ANXA13: variants seen among roughly 807,000 people sequenced by gnomAD.
The protein encoded by ANXA13 is annexin A13.
ANXA13 carries 36 observed loss-of-function variants against 46.6 expected under a neutral mutation model. That is an observed-to-expected ratio of 0.77 (90% confidence interval 0.59 to 1.02). The LOEUF is 1.02. Among genes scored for constraint, ANXA13 ranks in the 50% least tolerant of loss-of-function variants. The pLI is 0.00. For synonymous variants in ANXA13, 163 were observed against 152.9 expected (o/e 1.07, Z -0.49); for missense variants, 417 against 396.5 (o/e 1.05, Z -0.44).
chr8:123,698,406 A>C lies in ANXA13; in HGVS notation c.340T>G (p.Cys114Gly), dbSNP rs559305024. 1 of 1,614,160 alleles carries C rather than the reference A, an allele frequency of 6.2e-7. No homozygotes were observed. Among genetic ancestry groups the C allele is most frequent in the South Asian group, 1.1e-5 (1 of 91,086 alleles). ...GGACTGACCTTATTGGTCCTCGTGC[A>C]CAGGACCTCAATGAGGACGGACTCA... ...TDESVLIEVL[C>G]TRTNKEIIAI... Residue 114 changes from cysteine (C) to glycine (G), a missense_variant, in exon 4 of 11, where the codon TGC becomes GGC. Cys to Gly is a radical substitution (Grantham distance 159). Transcript: ENST00000419625.
chr8:123,707,908 C>T lies in ANXA13; in HGVS notation c.91+4770G>A, dbSNP rs561031216. ...TAAAGCTAAAAAAGAAAAAAAAGGG[C>T]GAGAAACCAGATTGCAAAACAGTCC... On this transcript the variant is annotated intron_variant, in intron 2 of 10. Coordinates refer to ENST00000419625, the MANE Select transcript of ANXA13 (RefSeq NM_004306.4). 4.6e-5 allele frequency among the ~76,000 whole-genome samples: 7 copies of T among 151,992 alleles called. No homozygotes were observed. The East Asian group carries it at 9.6e-4, about 21-fold the overall frequency.
At chr8:123,682,488 G>A (rs914810074) in intron 10 of ANXA13, among the ~76,000 whole-genome samples, 6 of 152,220 alleles carry the variant, frequency 3.9e-5, no homozygotes, top group African/African-American at 1.4e-4. Context: ...CCCAAAAAGT[G>A]TGGCTCAGGG....
chr8:123,686,226 G>A (rs776467369), intron 9 of ANXA13, among the ~76,000 whole-genome samples: 8 of 152,004 alleles, frequency 5.3e-5, no homozygotes, highest in Admixed American at 1.3e-4. Flanking sequence ...TAATCCCAGC[G>A]CTTTGGGAGG....
At chr8:123,733,162 CAAAAA>C (rs923365049) in intron 1 of ANXA13, among the ~76,000 whole-genome samples, 1 of 150,992 alleles carries the variant, frequency 6.6e-6, no homozygotes, top group Non-Finnish European at 1.5e-5. Flanking sequence ...GACCCTGTCT[CAAAAA>C]AAAGTAATAT....
chr8:123,692,867 C>A (rs1458341176), intron 8 of ANXA13, among the ~76,000 whole-genome samples: 1 of 152,018 alleles, frequency 6.6e-6, no homozygotes, highest in African/African-American at 2.4e-5. Flanking sequence ...ACACTTGCTT[C>A]CCTGGCGTCT....
intron 1 of ANXA13, among the ~76,000 whole-genome samples, chr8:123,724,874 C>A (rs945616405): frequency 1.1e-4 from 17 of 152,196 alleles, no homozygotes; most frequent in Non-Finnish European, 2.1e-4. Context: ...TTTATTGGAA[C>A]ACAGCCAACC....
intron 1 of ANXA13, among the ~76,000 whole-genome samples, chr8:123,717,679 C>T (rs1586333078): frequency 6.6e-6 from 1 of 152,192 alleles, no homozygotes; most frequent in South Asian, 2.1e-4. Flanking sequence ...TGCTTATTAG[C>T]CGTGTGACTT....
chr8:123,695,362 G>T, intron 6 of ANXA13, 140 bp downstream of exon 6: 3 of 672,538 alleles, frequency 4.5e-6, no homozygotes, highest in Non-Finnish European at 5.1e-6. Flanking sequence ...GGCTGATGGA[G>T]CATGGGTTGA....
chr8:123,682,463 A>T (rs1813057395), intron 10 of ANXA13, among the ~76,000 whole-genome samples: 1 of 152,192 alleles, frequency 6.6e-6, no homozygotes, highest in Non-Finnish European at 1.5e-5. Context: ...CTTAGACCCT[A>T]CCTTGTACTC....
intron 1 of ANXA13, among the ~76,000 whole-genome samples, chr8:123,730,023 C>T (rs1003713525): frequency 3.3e-5 from 5 of 152,178 alleles, no homozygotes; most frequent in East Asian, 1.9e-4. Context: ...CTTTCCCTCA[C>T]CTCCCACATC....
intron 1 of ANXA13, among the ~76,000 whole-genome samples, chr8:123,732,487 G>T (rs1367080352): frequency 6.6e-6 from 1 of 152,168 alleles, no homozygotes; most frequent in Non-Finnish European, 1.5e-5. Flanking sequence ...TGTTGCTGTG[G>T]CTGTAGCACT....
intron 1 of ANXA13, among the ~76,000 whole-genome samples, chr8:123,713,291 C>T (rs1339062897): frequency 6.6e-6 from 1 of 152,148 alleles, no homozygotes; most frequent in Non-Finnish European, 1.5e-5. Context: ...TTTAGTGCTC[C>T]TTGGGAAGGT....
At chr8:123,731,322 C>T (rs544823394) in intron 1 of ANXA13, among the ~76,000 whole-genome samples, 18 of 152,286 alleles carry the variant, frequency 1.2e-4, no homozygotes, top group Admixed American at 5.9e-4. Context: ...TAAAAATATA[C>T]AGACGCCAGG....
intron 1 of ANXA13, among the ~76,000 whole-genome samples, chr8:123,733,990 G>A (rs753108317): frequency 3.3e-5 from 5 of 152,228 alleles, no homozygotes; most frequent in Admixed American, 1.3e-4. Flanking sequence ...ATAGATCTGA[G>A]TGGGCTGAGC....
At chr8:123,683,143 G>A (rs750133955) in intron 10 of ANXA13, among the ~76,000 whole-genome samples, 8 of 152,112 alleles carry the variant, frequency 5.3e-5, no homozygotes, top group Non-Finnish European at 1.0e-4. Flanking sequence ...TGGAGCCATG[G>A]AGGAGAGAGG....
At chr8:123,707,949 AC>A (rs1346783771) in intron 2 of ANXA13, among the ~76,000 whole-genome samples, 1 of 152,210 alleles carries the variant, frequency 6.6e-6, no homozygotes, top group African/African-American at 2.4e-5. Context: ...CGGCCCAGCA[AC>A]AACCTGGACG....
At chr8:123,681,870 C>T (rs1813046409) in intron 10 of ANXA13, among the ~76,000 whole-genome samples, 1 of 152,124 alleles carries the variant, frequency 6.6e-6, no homozygotes, top group African/African-American at 2.4e-5. Context: ...AGGTGATCCA[C>T]CCACCTCAGC....
At chr8:123,719,725 T>C (rs779025377) in intron 1 of ANXA13, among the ~76,000 whole-genome samples, 37 of 152,234 alleles carry the variant, frequency 2.4e-4, no homozygotes, top group Non-Finnish European at 4.7e-4. Context: ...ATCAATGTGC[T>C]AACATGATTG....
chr8:123,708,627 T>G (rs1437024690), intron 2 of ANXA13, among the ~76,000 whole-genome samples: 2 of 152,238 alleles, frequency 1.3e-5, no homozygotes, highest in Non-Finnish European at 2.9e-5. Flanking sequence ...AGCAAGTCAC[T>G]GCTTCCCACT....
Sources: allele counts gnomAD v4.1 joint callset (sites outside exome capture counted in the v4.1 genomes callset), GRCh38; gene constraint gnomAD v4.1.1; transcripts MANE v1.5; gene names NCBI Gene and HGNC (gene_info 2026-07-23, HGNC 2026-07-21).